LINGO2: variants seen among roughly 807,000 people sequenced by gnomAD.
LINGO2 encodes leucine rich repeat and Ig domain containing 2.
A neutral mutation model predicts 30.6 loss-of-function variants in LINGO2; 14 were observed. That is an observed-to-expected ratio of 0.46 (90% CI 0.30 to 0.72). The LOEUF is 0.72. Ranked by LOEUF, LINGO2 falls within the 30% of genes least tolerant of loss-of-function variation. LINGO2 has a pLI of 0.07. For synonymous variants in LINGO2, 317 were observed against 288.5 expected, an observed-to-expected ratio of 1.10 and a Z score of -1.00; for missense variants, 729 against 751.7, an observed-to-expected ratio of 0.97 and a Z score of 0.35.
chr9:28,189,381 A>G (rs867821589), intron 4 of LINGO2, among the ~76,000 whole-genome samples: 6 of 29,198 alleles, frequency 2.1e-4, no homozygotes, highest in African/African-American at 2.7e-4. Context: ...GGGAGGGAGG[A>G]AGGAAGGGAG....
the LINGO2 span, among the ~76,000 whole-genome samples, chr9:28,993,193 A>G: frequency 1.2e-3 from 177 of 152,046 alleles, no homozygotes; most frequent in African/African-American, 4.0e-3. Flanking sequence ...TATCACCACC[A>G]ATCCCACAGA....
At chr9:27,977,372 T>C (rs1820648773) in intron 5 of LINGO2, among the ~76,000 whole-genome samples, 2 of 151,822 alleles carry the variant, frequency 1.3e-5, no homozygotes, top group Admixed American at 6.6e-5. Context: ...CTTCAGGTGA[T>C]AGAGAGCTCG....
chr9:29,003,828 C>T, the LINGO2 span, among the ~76,000 whole-genome samples: 6 of 151,968 alleles, frequency 3.9e-5, no homozygotes, highest in African/African-American at 1.2e-4. Flanking sequence ...AAAAGAAAGA[C>T]AACTTATCTG....
intron 4 of LINGO2, among the ~76,000 whole-genome samples, chr9:28,045,231 A>T (rs1824365476): frequency 6.6e-6 from 1 of 152,140 alleles, no homozygotes; most frequent in Non-Finnish European, 1.5e-5. Flanking sequence ...ATGGAAAACA[A>T]ATCTAAAACA....
the LINGO2 span, among the ~76,000 whole-genome samples, chr9:29,188,274 C>T: frequency 1.3e-5 from 2 of 151,642 alleles, no homozygotes; most frequent in African/African-American, 4.8e-5. Context: ...TCTTGCACCG[C>T]CCTTAATCCA....
At chr9:28,621,966 A>G (rs1203926609) in intron 1 of LINGO2, among the ~76,000 whole-genome samples, 1 of 152,110 alleles carries the variant, frequency 6.6e-6, no homozygotes. Flanking sequence ...GACTTGCTCC[A>G]TGCAAGCGTT....
At chr9:28,443,320 G>A (rs1271929224) in intron 2 of LINGO2, among the ~76,000 whole-genome samples, 1 of 152,218 alleles carries the variant, frequency 6.6e-6, no homozygotes, top group Non-Finnish European at 1.5e-5. Context: ...AACTGTTGTG[G>A]GGATGCCAGC....
intron 4 of LINGO2, among the ~76,000 whole-genome samples, chr9:28,186,542 T>C (rs548969056): frequency 1.3e-5 from 2 of 152,034 alleles, no homozygotes; most frequent in African/African-American, 4.8e-5. Flanking sequence ...AGAGTGTTTA[T>C]AATGGAGAAA....
chr9:27,950,720 A>T lies in LINGO2; in HGVS notation c.-35-14T>A, dbSNP rs372357432. On this transcript the variant is annotated splice_polypyrimidine_tract_variant and intron_variant, in intron 5 of 5. Transcript: ENST00000379992. ...TTGGTCACGGGTCTGCATGGAAGGG[A>T]CACAAGAAGGGAGGAAGAGAAGGTG... The T allele has an allele frequency of 1.1e-5, 15 of 1,423,256 alleles. No homozygotes were observed. In the African/African-American group the frequency reaches 2.1e-4, roughly 20 times the overall value. The allele number at this position is 1,423,256 out of a possible 1,614,324, so 88.2% of individuals were successfully genotyped here.
the LINGO2 span, among the ~76,000 whole-genome samples, chr9:29,176,330 T>C: frequency 1.3e-5 from 2 of 152,206 alleles, no homozygotes; most frequent in South Asian, 2.1e-4. Flanking sequence ...ATGTCCTTTG[T>C]TGAGACTAAA....
At chr9:28,104,349 T>C (rs1826517241) in intron 4 of LINGO2, among the ~76,000 whole-genome samples, 1 of 150,700 alleles carries the variant, frequency 6.6e-6, no homozygotes, top group African/African-American at 2.4e-5. Context: ...TAACAGTTAT[T>C]ACCTATCTTA....
At chr9:28,236,425 G>A (rs933824381) in intron 4 of LINGO2, among the ~76,000 whole-genome samples, 54 of 152,016 alleles carry the variant, frequency 3.6e-4, no homozygotes, top group Non-Finnish European at 6.0e-4. Flanking sequence ...AGAAAAACGC[G>A]GAATAGTTTA....
chr9:28,873,564 C>A, the LINGO2 span, among the ~76,000 whole-genome samples: 2 of 152,020 alleles, frequency 1.3e-5, no homozygotes, highest in Non-Finnish European at 2.9e-5. Context: ...CTTGGCATTA[C>A]TTTGATTGGA....
the LINGO2 span, among the ~76,000 whole-genome samples, chr9:29,188,309 A>G: frequency 6.6e-6 from 1 of 151,010 alleles, no homozygotes; most frequent in Non-Finnish European, 1.5e-5. Flanking sequence ...GACACAGCAC[A>G]TGTTTCAGAG....
rs933662573 is a variant in LINGO2, at chr9:28,147,100, G to A, written c.-86-134695C>T. 1.4e-4 allele frequency among the ~76,000 whole-genome samples: 22 copies of A among 152,206 alleles called. No homozygotes were observed. Among genetic ancestry groups the A allele is most frequent in the Non-Finnish European group, 2.8e-4 (19 of 68,040 alleles). On this transcript the variant is annotated intron_variant, in intron 4 of 5. Coordinates refer to ENST00000379992, the Ensembl canonical transcript of LINGO2. The surrounding 1 kb of genome is among the most constrained non-coding windows in gnomAD (Gnocchi z 4.7). ...TCTTTGTAGAGGACTGGAGCCCAGA[G>A]CATGCCATGGTCAACTTGTATGTTG... is the stretch of plus-strand genomic sequence containing the variant.
intron 1 of LINGO2, among the ~76,000 whole-genome samples, chr9:28,544,145 G>A (rs1430999978): frequency 6.6e-6 from 1 of 151,940 alleles, no homozygotes; most frequent in Non-Finnish European, 1.5e-5. Context: ...AGAGGTTGCA[G>A]TGAACCAAAA....
chr9:28,505,591 A>C (rs1446846284), intron 1 of LINGO2, among the ~76,000 whole-genome samples: 2 of 151,978 alleles, frequency 1.3e-5, no homozygotes, highest in East Asian at 3.9e-4. Flanking sequence ...ATAAATCATA[A>C]ATGGATATTA....
the LINGO2 span, among the ~76,000 whole-genome samples, chr9:29,128,054 C>T: frequency 1.3e-5 from 2 of 152,102 alleles, no homozygotes; most frequent in African/African-American, 4.8e-5. Flanking sequence ...CATGGGAAAG[C>T]ATGGCTTTAT....
the LINGO2 span, among the ~76,000 whole-genome samples, chr9:28,931,838 G>A: frequency 7.2e-5 from 11 of 151,930 alleles, no homozygotes; most frequent in Admixed American, 1.3e-4. Context: ...GGCTGGGTGC[G>A]GTGGCTCATG....
Sources: allele counts gnomAD v4.1 joint callset (sites outside exome capture counted in the v4.1 genomes callset), GRCh38; gene constraint gnomAD v4.1.1; non-coding constraint Gnocchi (gnomAD v3.1); transcripts MANE v1.5; gene names NCBI Gene and HGNC (gene_info 2026-07-23, HGNC 2026-07-21).